PNPLA3: variants seen among roughly 807,000 people sequenced by gnomAD.
PNPLA3 encodes the protein patatin like domain 3, 1-acylglycerol-3-phosphate O-acyltransferase, also known as 1-acylglycerol-3-phosphate O-acyltransferase PNPLA3.
PNPLA3 carries 42 observed loss-of-function variants against 43.1 expected under a neutral mutation model. The ratio of observed to expected loss-of-function variants is 0.97; its 90% CI spans 0.76 to 1.26. The LOEUF is 1.26. Ranked by LOEUF, PNPLA3 falls within the 50% of genes most tolerant of loss-of-function variation. The pLI, the probability that PNPLA3 is intolerant of heterozygous loss-of-function variation, is 0.00. For missense variants in PNPLA3, 647 were observed against 621.4 expected, an observed-to-expected ratio of 1.04 and a Z score of -0.44; for synonymous variants, 272 against 253.6, an observed-to-expected ratio of 1.07 and a Z score of -0.69.
chr22:43,927,120 G>T lies in PNPLA3; in HGVS notation c.373G>T (p.Glu125Ter). ...GISLTRVSDGENVLVSDFRSK... is the reference protein window; with the variant it reads ...GISLTRVSDG ...CTCTCTTACCAGAGTGTCTGATGGG[G>T]AAAACGTTCTGGTGTCTGACTTTCG... Residue 125 changes from glutamate (E) to a stop codon, truncating the protein, a stop_gained, in exon 2 of 9, where the codon GAA becomes TAA. Transcript: ENST00000216180. LOFTEE classifies it high-confidence loss of function. The T allele has an allele frequency of 6.2e-7, 1 of 1,614,238 alleles. No homozygotes were observed. The highest frequency in any genetic ancestry group is 8.5e-7 in the Non-Finnish European group (1 of 1,180,048).
intron 1 of PNPLA3, among the ~76,000 whole-genome samples, chr22:43,925,052 G>GT (rs1359034956): frequency 6.6e-6 from 1 of 151,830 alleles, no homozygotes; most frequent in Non-Finnish European, 1.5e-5. Context: ...GTCTAGTGGG[G>GT]AGGGGTACCT....
rs571619963 is a variant in PNPLA3, at chr22:43,927,296, C to G, written c.420+129C>G. 1.4e-4 allele frequency: 105 copies of G among 726,926 alleles called. No individual in the cohort carries two copies. In the African/African-American group the frequency reaches 1.5e-3, roughly 10 times the overall value. 45.0% of individuals were successfully genotyped at this position (726,926 alleles called of 1,614,324 possible). On this transcript the variant is annotated intron_variant, in intron 2 of 8. Transcript: ENST00000216180. ...GGTGGGTTGCTTGAGCCCAGGAGCT[C>G]GAGACCAACATGATGAAACCCAGTC...
intron 7 of PNPLA3, among the ~76,000 whole-genome samples, chr22:43,941,701 G>C (rs1353414518): frequency 6.6e-6 from 1 of 152,084 alleles, no homozygotes; most frequent in Admixed American, 6.5e-5. Context: ...CAAGTTACTC[G>C]ACTTCTCTGA....
intron 8 of PNPLA3, 115 bp from the exon 9 acceptor site, chr22:43,946,039 C>A: frequency 2.1e-6 from 2 of 958,186 alleles, no homozygotes; most frequent in East Asian, 2.4e-5. Context: ...TGTGACGGCA[C>A]CCTAGAGTGT....
intron 6 of PNPLA3, 72 bp from the exon 7 acceptor site, chr22:43,939,921 A>G: frequency 6.2e-7 from 1 of 1,609,606 alleles, no homozygotes; most frequent in Non-Finnish European, 8.5e-7. Context: ...GGAAATGCTA[A>G]GCACCAACAG....
At chr22:43,930,569 C>T (rs147183188) in intron 3 of PNPLA3, among the ~76,000 whole-genome samples, 2 of 152,318 alleles carry the variant, frequency 1.3e-5, no homozygotes, top group Non-Finnish European at 2.9e-5. Context: ...CCCCAGTGCA[C>T]GGTTCTGGCT....
At chr22:43,938,658 C>G (rs1280257231) in intron 6 of PNPLA3, among the ~76,000 whole-genome samples, 1 of 152,246 alleles carries the variant, frequency 6.6e-6, no homozygotes, top group Non-Finnish European at 1.5e-5. Context: ...ATGATCCAAT[C>G]ACCTCCCATC....
chr22:43,941,025 GC>G (rs2146789279), intron 7 of PNPLA3, among the ~76,000 whole-genome samples: 1 of 151,516 alleles, frequency 6.6e-6, no homozygotes, highest in African/African-American at 2.4e-5. Flanking sequence ...TGTAATCCCA[GC>G]TACTCCGGAG....
At chr22:43,924,846 C>T (rs2049911395) in intron 1 of PNPLA3, among the ~76,000 whole-genome samples, 1 of 152,060 alleles carries the variant, frequency 6.6e-6, no homozygotes, top group African/African-American at 2.4e-5. Flanking sequence ...GACGGGGTTT[C>T]ACCGTGTTAG....
rs201850880 is a variant in PNPLA3, at chr22:43,927,158, A to C, written c.411A>C (p.Glu137Asp). 47 of 1,613,910 alleles carry C rather than the reference A, an allele frequency of 2.9e-5. No homozygotes were observed. Among genetic ancestry groups the C allele is most frequent in the Non-Finnish European group, 3.8e-5 (45 of 1,179,870 alleles). Residue 137 changes from glutamate (E) to aspartate (D), a missense_variant, in exon 2 of 9, where the codon GAA becomes GAC. Coordinates refer to ENST00000216180, the MANE Select transcript of PNPLA3 (RefSeq NM_025225.3). ...VLVSDFRSKDEVVDALVCSCF... is the reference protein window; with the variant it reads ...VLVSDFRSKDDVVDALVCSCF... ...TGTCTGACTTTCGGTCCAAAGACGA[A>C]GTCGTGGATGTAAGCAGTTTGCTTA...
chr22:43,938,088 T>C (rs2896020), intron 6 of PNPLA3, among the ~76,000 whole-genome samples: 31,330 of 152,076 alleles, frequency 0.21, 3,733 homozygotes, highest in East Asian at 0.39. Context: ...GACACCAACA[T>C]GTCTGCTGCC....
chr22:43,932,994 C>A lies in PNPLA3; in HGVS notation c.603C>A (p.Asn201Lys). The stretch of plus-strand genomic sequence containing the variant: ...TCTGCCCTAAAGTCAAGTCCACGAA[C>A]TTTCTTCATGTGGACATCACCAAGC... ...YDICPKVKST[N>K]FLHVDITKLS... Residue 201 changes from asparagine to lysine, a missense_variant, in exon 4 of 9, where the codon AAC (asparagine) becomes AAA (lysine). Transcript: ENST00000216180. 1 of 1,614,180 alleles carries A rather than the reference C, an allele frequency of 6.2e-7. No homozygotes were observed. Among genetic ancestry groups the A allele is most frequent in the Non-Finnish European group, 8.5e-7 (1 of 1,180,008 alleles).
At chr22:43,933,447 T>C (rs981601323) in intron 4 of PNPLA3, among the ~76,000 whole-genome samples, 5 of 152,116 alleles carry the variant, frequency 3.3e-5, no homozygotes, top group Non-Finnish European at 5.9e-5. Context: ...AGTGCAGTGG[T>C]GCAATCATAG....
chr22:43,923,890 C>A lies in PNPLA3; in HGVS notation c.-22C>A. The A allele has an allele frequency of 8.0e-6, 12 of 1,492,336 alleles. No homozygotes were observed. The highest frequency in any genetic ancestry group is 1.3e-5 in the South Asian group (1 of 76,728). 92.4% of individuals were successfully genotyped at this position (1,492,336 alleles called of 1,614,324 possible). On this transcript the variant is annotated 5_prime_UTR_variant, in exon 1 of 9. Transcript: ENST00000216180. ...ATCCCGACCCAGATCCTAACCCGCGCCCCCGCCCCGCCGCCGCCGCCATGT... is the reference window on the plus strand; with the variant it reads ...ATCCCGACCCAGATCCTAACCCGCGACCCCGCCCCGCCGCCGCCGCCATGT...
chr22:43,945,408 C>T (rs2050056760), intron 8 of PNPLA3, among the ~76,000 whole-genome samples: 1 of 152,146 alleles, frequency 6.6e-6, no homozygotes, highest in Admixed American at 6.5e-5. Context: ...GCTCCCATTA[C>T]CAGGGTTGGG....
intron 3 of PNPLA3, 32 bp downstream of exon 3, chr22:43,928,921 C>G (rs1190921531): frequency 1.9e-6 from 3 of 1,573,546 alleles, no homozygotes; most frequent in African/African-American, 1.3e-5. Context: ...GCGCTGAGTC[C>G]TGGGGGCCTC....
At chr22:43,934,578 G>A (rs766048789) in intron 4 of PNPLA3, 28 bp from the exon 5 acceptor site, 25 of 1,598,272 alleles carry the variant, frequency 1.6e-5, no homozygotes, top group Non-Finnish European at 2.1e-5. Flanking sequence ...TCTCCCTGCT[G>A]TAGTCCCCTT....
chr22:43,934,315 T>A (rs1243684741), intron 4 of PNPLA3, among the ~76,000 whole-genome samples: 6 of 90,834 alleles, frequency 6.6e-5, no homozygotes, highest in Non-Finnish European at 1.4e-4. Context: ...AGACTCTGCC[T>A]TAAAAAAAAA....
chr22:43,936,122 G>A (rs2049993936), intron 5 of PNPLA3, among the ~76,000 whole-genome samples: 1 of 152,182 alleles, frequency 6.6e-6, no homozygotes, highest in Admixed American at 6.5e-5. Flanking sequence ...TGGGTTGAGG[G>A]TTGAGGACAT....
Sources: allele counts gnomAD v4.1 joint callset (sites outside exome capture counted in the v4.1 genomes callset), GRCh38; gene constraint gnomAD v4.1.1; transcripts MANE v1.5; gene names NCBI Gene and HGNC (gene_info 2026-07-23, HGNC 2026-07-21).